NRG3: variants seen among roughly 807,000 people sequenced by gnomAD.
NRG3 encodes neuregulin 3, also known as pro-neuregulin-3, membrane-bound isoform.
Under a neutral mutation model 66.9 loss-of-function variants are expected in NRG3, and 31 were observed. The ratio of observed to expected loss-of-function variants is 0.46; its 90% confidence interval spans 0.35 to 0.63. The LOEUF is 0.63. Ranked by LOEUF, NRG3 falls within the 20% of genes least tolerant of loss-of-function variation. NRG3 has a pLI of 0.00. For missense variants in NRG3, 910 were observed against 878.9 expected, an observed-to-expected ratio of 1.04 and a Z score of -0.45; for synonymous variants, 393 against 359.4, an observed-to-expected ratio of 1.09 and a Z score of -1.06.
intron 2 of NRG3, among the ~76,000 whole-genome samples, chr10:82,445,911 A>G (rs1043104308): frequency 1.3e-5 from 2 of 152,208 alleles, no homozygotes; most frequent in African/African-American, 2.4e-5. Flanking sequence ...CTACTTTACT[A>G]TCTGGCCTCA....
intron 1 of NRG3, among the ~76,000 whole-genome samples, chr10:82,176,880 GACAC>G (rs142443398): frequency 4.8e-5 from 7 of 146,118 alleles, no homozygotes; most frequent in Middle Eastern, 3.2e-3. Flanking sequence ...TTTAAAACAA[GACAC>G]ACACACACAC....
At chr10:82,401,244 A>C (rs956270223) in intron 2 of NRG3, among the ~76,000 whole-genome samples, 3 of 152,276 alleles carry the variant, frequency 2.0e-5, no homozygotes, top group Non-Finnish European at 4.4e-5. Context: ...GTATTTATAT[A>C]TGTTATATTG....
Position 82,985,551 on chromosome 10 carries a change from G to A in NRG3, c.2037G>A (p.Glu679=), listed in dbSNP as rs1447468254. 1.2e-6 allele frequency: 2 copies of A among 1,613,756 alleles called. No homozygotes were observed. The highest frequency in any genetic ancestry group is 1.7e-6 in the Non-Finnish European group (2 of 1,180,002). The change falls in exon 9 of 9, where the codon GAG becomes GAA. Residue 679 remains glutamate, a synonymous_variant. Transcript: ENST00000372141. ...PLSPTAKSER[E]AQFVLRNEIQ... ...GTCCCACAGCCAAATCAGAACGAGA[G>A]GCGCAATTTGTCTTAAGAAATGAAA...
chr10:82,043,371 C>CT (rs1463677373), intron 1 of NRG3, among the ~76,000 whole-genome samples: 11 of 151,756 alleles, frequency 7.2e-5, no homozygotes, highest in Non-Finnish European at 1.3e-4. Context: ...CAGAATAAAA[C>CT]TTTTTTTTAA....
At chr10:82,576,308 C>T (rs1483497764) in intron 2 of NRG3, among the ~76,000 whole-genome samples, 2 of 151,586 alleles carry the variant, frequency 1.3e-5, no homozygotes, top group Non-Finnish European at 3.0e-5. Flanking sequence ...CATTTCTGTA[C>T]ATACTTTTCC....
intron 8 of NRG3, among the ~76,000 whole-genome samples, chr10:82,980,586 C>T (rs1420108997): frequency 2.0e-5 from 3 of 152,152 alleles, no homozygotes; most frequent in Non-Finnish European, 4.4e-5. Context: ...TCACGTTTCT[C>T]TTTTCATATG....
intron 2 of NRG3, among the ~76,000 whole-genome samples, chr10:82,656,771 T>C (rs955251573): frequency 2.6e-5 from 4 of 152,172 alleles, no homozygotes; most frequent in African/African-American, 7.2e-5. Context: ...CATTAAGACA[T>C]GCCCCCTCTT....
At chr10:82,040,095 A>T (rs751638408) in intron 1 of NRG3, among the ~76,000 whole-genome samples, 2 of 152,132 alleles carry the variant, frequency 1.3e-5, no homozygotes, top group Non-Finnish European at 2.9e-5. Flanking sequence ...GCACTATGGA[A>T]ATAAAAGTTG....
At chr10:82,681,067 G>T (rs1300662585) in intron 2 of NRG3, among the ~76,000 whole-genome samples, 1 of 152,188 alleles carries the variant, frequency 6.6e-6, no homozygotes, top group Non-Finnish European at 1.5e-5. Context: ...TCAAAGAAGA[G>T]TATAATATTA....
chr10:82,672,289 G>A (rs1280115557), intron 2 of NRG3, among the ~76,000 whole-genome samples: 1 of 152,208 alleles, frequency 6.6e-6, no homozygotes, highest in East Asian at 1.9e-4. Flanking sequence ...GACAGGCCAT[G>A]TGGCCAGAGC....
intron 1 of NRG3, among the ~76,000 whole-genome samples, chr10:82,133,329 G>A (rs1282128587): frequency 6.6e-6 from 1 of 151,984 alleles, no homozygotes; most frequent in Non-Finnish European, 1.5e-5. Context: ...CATGACACAG[G>A]GGTTGTTTTA....
chr10:82,497,430 T>A (rs1229617562), intron 2 of NRG3, among the ~76,000 whole-genome samples: 2 of 152,174 alleles, frequency 1.3e-5, no homozygotes, highest in Non-Finnish European at 2.9e-5. Context: ...TCTCTTCAGC[T>A]TTTTTAGATT....
intron 2 of NRG3, among the ~76,000 whole-genome samples, chr10:82,416,606 T>C (rs944958887): frequency 3.3e-5 from 5 of 152,160 alleles, no homozygotes; most frequent in Non-Finnish European, 7.4e-5. Flanking sequence ...GGTTCTTTGC[T>C]GTCATTGGTA....
chr10:81,907,473 T>A (rs889392491), intron 1 of NRG3, among the ~76,000 whole-genome samples: 5 of 152,204 alleles, frequency 3.3e-5, no homozygotes, highest in African/African-American at 2.4e-5. Flanking sequence ...CCTTATTGAG[T>A]GATTACATTT....
intron 2 of NRG3, among the ~76,000 whole-genome samples, chr10:82,482,656 A>G (rs996868869): frequency 1.9e-4 from 29 of 152,158 alleles, no homozygotes; most frequent in African/African-American, 7.0e-4. Context: ...CAGACCTGCT[A>G]TATCAGAGTC....
intron 2 of NRG3, among the ~76,000 whole-genome samples, chr10:82,394,142 A>T (rs2086569655): frequency 6.6e-6 from 1 of 152,158 alleles, no homozygotes; most frequent in South Asian, 2.1e-4. Context: ...GCAGACACAG[A>T]GCTAACAGGA....
chr10:82,593,190 T>C (rs955476190), intron 2 of NRG3, among the ~76,000 whole-genome samples: 1 of 151,924 alleles, frequency 6.6e-6, no homozygotes, highest in African/African-American at 2.4e-5. Flanking sequence ...ATAATAAGAG[T>C]TGTAAGAGTA....
chr10:81,993,701 A>C (rs543385429), intron 1 of NRG3, among the ~76,000 whole-genome samples: 3 of 152,196 alleles, frequency 2.0e-5, no homozygotes, highest in African/African-American at 7.2e-5. Flanking sequence ...CAAGTCTACA[A>C]GTTCAAACTA....
intron 1 of NRG3, among the ~76,000 whole-genome samples, chr10:82,061,684 C>T (rs754413989): frequency 2.0e-5 from 3 of 152,110 alleles, no homozygotes; most frequent in Non-Finnish European, 2.9e-5. Context: ...ATGATGGAGT[C>T]ACACTGCCTT....
Sources: allele counts gnomAD v4.1 joint callset (sites outside exome capture counted in the v4.1 genomes callset), GRCh38; gene constraint gnomAD v4.1.1; transcripts MANE v1.5; gene names NCBI Gene and HGNC (gene_info 2026-07-23, HGNC 2026-07-21).